ZSWIM6: variants seen among roughly 807,000 people sequenced by gnomAD.
The protein encoded by ZSWIM6 is zinc finger SWIM-type containing 6.
In ZSWIM6, 9 loss-of-function variants were observed where a neutral mutation model predicts 113.2. The observed-to-expected ratio is 0.08, with a 90% CI of 0.05 to 0.14. ZSWIM6 has a LOEUF of 0.14. Among genes scored for constraint, ZSWIM6 ranks in the 10% least tolerant of loss-of-function variants. The pLI is 1.00. For missense variants in ZSWIM6, 1,162 were observed against 1,552.2 expected (o/e 0.75, Z 4.22); for synonymous variants, 611 against 606.5 (o/e 1.01, Z -0.11).
At chr5:61,388,478 T>C (rs1228598430) in intron 1 of ZSWIM6, among the ~76,000 whole-genome samples, 1 of 152,208 alleles carries the variant, frequency 6.6e-6, no homozygotes, top group Non-Finnish European at 1.5e-5. Flanking sequence ...CTCTTGGAAG[T>C]TGGAACAGTT....
intron 1 of ZSWIM6, chr5:61,390,695 G>A (rs1745688728): frequency 9.3e-6 from 8 of 859,606 alleles, no homozygotes; most frequent in Admixed American, 5.1e-5. Flanking sequence ...TTGCAATTCG[G>A]TCTTTCTTGA....
chr5:61,486,379 A>G (rs1460378418), intron 2 of ZSWIM6, among the ~76,000 whole-genome samples: 2 of 151,816 alleles, frequency 1.3e-5, no homozygotes, highest in African/African-American at 2.4e-5. Context: ...TATCTTTGCT[A>G]TCATGAAAAA....
At chr5:61,379,131 C>A (rs1355770489) in intron 1 of ZSWIM6, among the ~76,000 whole-genome samples, 1 of 132,224 alleles carries the variant, frequency 7.6e-6, no homozygotes, top group Non-Finnish European at 1.5e-5. Flanking sequence ...CAGTGAGCTA[C>A]TGTGATCATG....
intron 9 of ZSWIM6, among the ~76,000 whole-genome samples, chr5:61,534,313 A>C (rs1042698880): frequency 3.9e-5 from 6 of 152,234 alleles, no homozygotes; most frequent in African/African-American, 1.2e-4. Flanking sequence ...TAAAGTACTT[A>C]AATAATGAAT....
At chr5:61,444,182 G>T (rs1746898181) in intron 1 of ZSWIM6, among the ~76,000 whole-genome samples, 1 of 143,834 alleles carries the variant, frequency 7.0e-6, no homozygotes, top group South Asian at 2.2e-4. Flanking sequence ...CCACCTATGA[G>T]TGAGAACATG....
intron 4 of ZSWIM6, among the ~76,000 whole-genome samples, chr5:61,495,644 G>A (rs962729169): frequency 6.6e-6 from 1 of 152,036 alleles, no homozygotes; most frequent in Admixed American, 6.6e-5. Context: ...AGATAGTTTC[G>A]ATGTATTAGA....
intron 1 of ZSWIM6, among the ~76,000 whole-genome samples, chr5:61,361,202 G>A (rs1745026913): frequency 6.6e-6 from 1 of 152,058 alleles, no homozygotes; most frequent in Admixed American, 6.5e-5. Flanking sequence ...TAAACACATT[G>A]CTTCCTTTTA....
chr5:61,404,689 A>G (rs754584196), intron 1 of ZSWIM6, among the ~76,000 whole-genome samples: 40 of 152,170 alleles, frequency 2.6e-4, no homozygotes, highest in Non-Finnish European at 4.4e-4. Context: ...GAGGGATTTC[A>G]CCGCCTCCTT....
chr5:61,441,587 T>G (rs1213645561), intron 1 of ZSWIM6, among the ~76,000 whole-genome samples: 7 of 152,254 alleles, frequency 4.6e-5, no homozygotes, highest in African/African-American at 1.7e-4. Flanking sequence ...TTCCTATATG[T>G]AGGAAATTAA....
At chr5:61,535,868 C>T (rs1489644490) in intron 10 of ZSWIM6, among the ~76,000 whole-genome samples, 1 of 152,170 alleles carries the variant, frequency 6.6e-6, no homozygotes, top group South Asian at 2.1e-4. Context: ...CCTACTTTTT[C>T]GTGAAGCACA....
chr5:61,437,450 C>T (rs986671371), intron 1 of ZSWIM6, among the ~76,000 whole-genome samples: 2 of 151,998 alleles, frequency 1.3e-5, no homozygotes, highest in East Asian at 3.9e-4. Context: ...AGGCCGGGTG[C>T]GGTGGCTCAC....
intron 4 of ZSWIM6, among the ~76,000 whole-genome samples, chr5:61,499,114 C>A (rs1234669445): frequency 2.0e-5 from 3 of 152,174 alleles, no homozygotes; most frequent in Non-Finnish European, 4.4e-5. Flanking sequence ...TACATAGTTA[C>A]CTCTTTGCTA....
At chr5:61,430,173 G>A (rs976623569) in intron 1 of ZSWIM6, among the ~76,000 whole-genome samples, 2 of 152,102 alleles carry the variant, frequency 1.3e-5, no homozygotes, top group Non-Finnish European at 2.9e-5. Context: ...ATTGAAAGGG[G>A]TTAAGCAGGA....
intron 11 of ZSWIM6, 40 bp from the exon 12 acceptor site, chr5:61,539,556 T>C: frequency 6.5e-7 from 1 of 1,529,538 alleles, no homozygotes. Context: ...CTTGCTTTGC[T>C]TTGATTTGGT....
intron 1 of ZSWIM6, among the ~76,000 whole-genome samples, chr5:61,339,362 G>A (rs192129048): frequency 1.0e-3 from 154 of 152,172 alleles, no homozygotes; most frequent in Middle Eastern, 3.4e-3. Flanking sequence ...GCAGTGAGCC[G>A]AGATTGTACC....
chr5:61,454,732 C>G (rs1747164795), intron 1 of ZSWIM6, among the ~76,000 whole-genome samples: 1 of 152,076 alleles, frequency 6.6e-6, no homozygotes, highest in African/African-American at 2.4e-5. Flanking sequence ...GAGGCATGCA[C>G]TACCACACCT....
intron 1 of ZSWIM6, among the ~76,000 whole-genome samples, chr5:61,334,410 G>T (rs1186607150): frequency 6.6e-6 from 1 of 152,174 alleles, no homozygotes; most frequent in East Asian, 1.9e-4. Flanking sequence ...ACCCGGCACC[G>T]AATGAATGGG....
chr5:61,348,317 A>G, intron 1 of ZSWIM6, among the ~76,000 whole-genome samples: 2 of 152,208 alleles, frequency 1.3e-5, no homozygotes, highest in African/African-American at 2.4e-5. Context: ...GGGTTAAGCC[A>G]TGGTGGATTA....
chr5:61,421,850 TG>T (rs1456914586), intron 1 of ZSWIM6, among the ~76,000 whole-genome samples: 1 of 152,256 alleles, frequency 6.6e-6, no homozygotes, highest in Non-Finnish European at 1.5e-5. Context: ...ATGGTGTATA[TG>T]TACCACATTT....
Sources: allele counts gnomAD v4.1 joint callset (sites outside exome capture counted in the v4.1 genomes callset), GRCh38; gene constraint gnomAD v4.1.1; transcripts MANE v1.5; gene names NCBI Gene and HGNC (gene_info 2026-07-23, HGNC 2026-07-21).